Variants in LMBR1 observed in about 807,000 individuals in gnomAD.
LMBR1 encodes limb development membrane protein 1.
A neutral mutation model predicts 73.9 loss-of-function variants in LMBR1; 52 were observed. The observed-to-expected ratio is 0.70, with a 90% CI of 0.56 to 0.89. LMBR1 has a LOEUF of 0.89. LMBR1 is among the 40% of genes least tolerant of loss of function. LMBR1 has a pLI of 0.00. For missense variants in LMBR1, 539 were observed against 579.8 expected (o/e 0.93, Z 0.72); for synonymous variants, 215 against 209.4 (o/e 1.03, Z -0.23).
At chr7:156,849,044 A>G (rs12535212) in intron 1 of LMBR1, among the ~76,000 whole-genome samples, 15,425 of 152,166 alleles carry the variant, frequency 0.1, 902 homozygotes, top group African/African-American at 0.12. Flanking sequence ...TACCGTAAAG[A>G]CACATACATG....
intron 5 of LMBR1, among the ~76,000 whole-genome samples, chr7:156,778,093 A>G (rs1422512335): frequency 6.6e-6 from 1 of 152,080 alleles, no homozygotes; most frequent in Non-Finnish European, 1.5e-5. Flanking sequence ...ACATACTCAC[A>G]TGTTTAAGCA....
chr7:156,857,928 G>A (rs1480204492), intron 1 of LMBR1, among the ~76,000 whole-genome samples: 1 of 151,856 alleles, frequency 6.6e-6, no homozygotes, highest in Non-Finnish European at 1.5e-5. Context: ...TTATGAAAAT[G>A]TGTGAGATGC....
intron 3 of LMBR1, among the ~76,000 whole-genome samples, chr7:156,830,663 T>A (rs1836517076): frequency 6.6e-6 from 1 of 152,238 alleles, no homozygotes; most frequent in Admixed American, 6.5e-5. Flanking sequence ...TAAGTCTTCA[T>A]CTCAGCTAAT....
intron 15 of LMBR1, among the ~76,000 whole-genome samples, chr7:156,722,110 T>C (rs2132337707): frequency 6.6e-6 from 1 of 152,244 alleles, no homozygotes; most frequent in South Asian, 2.1e-4. Flanking sequence ...AAATTACATA[T>C]ATAGAGATAA....
intron 1 of LMBR1, among the ~76,000 whole-genome samples, chr7:156,883,418 A>C (rs1340812905): frequency 6.6e-6 from 1 of 152,162 alleles, no homozygotes; most frequent in African/African-American, 2.4e-5. Context: ...AAAGGAGGAC[A>C]GAATAGGAAG....
downstream of LMBR1, chr7:156,676,751 A>G: frequency 1.2e-6 from 1 of 862,086 alleles, no homozygotes. Flanking sequence ...CTACAATGTA[A>G]TCTGTTTCCC....
At chr7:156,803,146 CA>C (rs1241718353) in intron 4 of LMBR1, among the ~76,000 whole-genome samples, 9 of 152,110 alleles carry the variant, frequency 5.9e-5, no homozygotes, top group African/African-American at 2.2e-4. Context: ...CCAAAATTGA[CA>C]AATGGGATCT....
chr7:156,689,485 A>G (rs573402701), intron 15 of LMBR1, among the ~76,000 whole-genome samples: 1 of 152,284 alleles, frequency 6.6e-6, no homozygotes, highest in East Asian at 1.9e-4. Flanking sequence ...CAATGGCATA[A>G]TCTACTACAG....
Position 156,725,758 on chromosome 7 carries a change from G to A in LMBR1, c.1067+6C>T. On this transcript the variant is annotated splice_donor_region_variant and intron_variant, in intron 13 of 16. Coordinates refer to ENST00000353442, the MANE Select transcript of LMBR1 (RefSeq NM_022458.4). ...TAGGCTGAACGTTCAGTTAAAGAAAGGATACAAAATCAAAATGATTTCAAG... is the reference window on the plus strand; with the variant it reads ...TAGGCTGAACGTTCAGTTAAAGAAAAGATACAAAATCAAAATGATTTCAAG... 1.2e-6 allele frequency: 2 copies of A among 1,610,954 alleles called. No individual in the cohort carries two copies. Among genetic ancestry groups the A allele is most frequent in the South Asian group, 1.1e-5 (1 of 90,502 alleles).
In LMBR1 at chr7:156,671,646, C is replaced by T. The variant is rs73744309; in HGVS notation, n.867-2359G>A. On this transcript the variant is annotated intron_variant and non_coding_transcript_variant, in intron 4 of 4. Transcript: ENST00000430825. ...GTTTGTCACTGGGTGTACTGCAGGA[C>T]GCCGATGTTTGCGGTACAGGCGGTC... Among the ~76,000 whole-genome samples, 61 of 150,936 alleles carry T rather than the reference C, an allele frequency of 4.0e-4. 1 individual carries two copies. Among genetic ancestry groups the T allele is most frequent in the African/African-American group, 1.3e-3 (54 of 41,410 alleles).
intron 2 of LMBR1, chr7:156,834,572 C>T (rs765350614): frequency 4.2e-5 from 12 of 282,814 alleles, no homozygotes; most frequent in South Asian, 3.4e-4. Flanking sequence ...CACTGCTCTC[C>T]GGCCTAGGGG....
intron 16 of LMBR1, among the ~76,000 whole-genome samples, chr7:156,684,500 T>TGTGA (rs1351382582): frequency 6.6e-6 from 1 of 152,172 alleles, no homozygotes; most frequent in Non-Finnish European, 1.5e-5. Flanking sequence ...AGGCTTCCAG[T>TGTGA]GTGACTGCAT....
intron 1 of LMBR1, among the ~76,000 whole-genome samples, chr7:156,840,613 A>C (rs1482280799): frequency 6.6e-6 from 1 of 151,986 alleles, no homozygotes; most frequent in African/African-American, 2.4e-5. Flanking sequence ...TTCTGAGTAG[A>C]GGGTGATAGG....
At chr7:156,825,568 AAAAAAT>A (rs1398555863) in intron 4 of LMBR1, among the ~76,000 whole-genome samples, 2 of 152,206 alleles carry the variant, frequency 1.3e-5, no homozygotes, top group Non-Finnish European at 2.9e-5. Flanking sequence ...TTAAAACATT[AAAAAAT>A]AAAAATAAAT....
At chr7:156,672,738 T>C (rs1024811180) in intron 4 of LMBR1, among the ~76,000 whole-genome samples, 12 of 152,242 alleles carry the variant, frequency 7.9e-5, no homozygotes, top group Non-Finnish European at 1.6e-4. Context: ...CATATTTATA[T>C]GTGGCCCGCA....
chr7:156,706,246 T>C (rs556568963), intron 15 of LMBR1, among the ~76,000 whole-genome samples: 1 of 150,580 alleles, frequency 6.6e-6, no homozygotes, highest in South Asian at 2.1e-4. Flanking sequence ...CAAATATACA[T>C]GCAGCCAACA....
At chr7:156,821,617 T>C (rs1244136857) in intron 4 of LMBR1, among the ~76,000 whole-genome samples, 7 of 152,034 alleles carry the variant, frequency 4.6e-5, no homozygotes, top group Non-Finnish European at 8.8e-5. Context: ...AATAAGAAAA[T>C]TGGGATGAGG....
chr7:156,883,530 T>C (rs1801418835), intron 1 of LMBR1, among the ~76,000 whole-genome samples: 1 of 152,144 alleles, frequency 6.6e-6, no homozygotes, highest in Non-Finnish European at 1.5e-5. Context: ...GCAGTGAAAG[T>C]CAAAGCCTCC....
At chr7:156,846,418 T>C (rs924882438) in intron 1 of LMBR1, among the ~76,000 whole-genome samples, 1 of 152,134 alleles carries the variant, frequency 6.6e-6, no homozygotes, top group Non-Finnish European at 1.5e-5. Context: ...TGTAAATAAA[T>C]ACATAAATGT....
Sources: allele counts gnomAD v4.1 joint callset (sites outside exome capture counted in the v4.1 genomes callset), GRCh38; gene constraint gnomAD v4.1.1; transcripts MANE v1.5; gene names NCBI Gene and HGNC (gene_info 2026-07-23, HGNC 2026-07-21).